The following CNTNAP2 variants were observed in gnomAD, a reference collection of about 807,000 sequenced individuals.
CNTNAP2 encodes contactin-associated protein-like 2.
CNTNAP2 carries 98 observed loss-of-function variants against 155.2 expected under a neutral mutation model. The ratio of observed to expected loss-of-function variants is 0.63; its 90% CI spans 0.54 to 0.75. The LOEUF (loss-of-function observed/expected upper bound fraction) is 0.75. CNTNAP2 is among the 30% of genes least tolerant of loss of function. The probability of loss-of-function intolerance (pLI) is 0.00; values close to 1 mark genes in which losing one functional copy is unlikely to be tolerated. For synonymous variants in CNTNAP2, 651 were observed against 631.2 expected, an observed-to-expected ratio of 1.03 and a Z score of -0.47; for missense variants, 1,727 against 1,688.1, an observed-to-expected ratio of 1.02 and a Z score of -0.40.
intron 9 of CNTNAP2, among the ~76,000 whole-genome samples, chr7:147,383,823 G>C (rs1237407480): frequency 5.3e-5 from 8 of 152,034 alleles, no homozygotes; most frequent in African/African-American, 1.9e-4. Flanking sequence ...TTCATAAAAT[G>C]AATATACTAG....
chr7:146,927,657 A>G (rs1217316299), intron 3 of CNTNAP2, among the ~76,000 whole-genome samples: 1 of 152,024 alleles, frequency 6.6e-6, no homozygotes, highest in Non-Finnish European at 1.5e-5. Flanking sequence ...TTTCTATGAC[A>G]TTTTTAAGAA....
intron 1 of CNTNAP2, among the ~76,000 whole-genome samples, chr7:146,680,983 G>A (rs781446125): frequency 6.6e-6 from 1 of 152,140 alleles, no homozygotes; most frequent in East Asian, 1.9e-4. Context: ...ACTAAAAAAA[G>A]GTTAATCAAA....
intron 4 of CNTNAP2, among the ~76,000 whole-genome samples, chr7:147,075,272 A>G (rs1220423373): frequency 6.6e-6 from 1 of 152,196 alleles, no homozygotes; most frequent in Non-Finnish European, 1.5e-5. Context: ...GATGAGAAGT[A>G]TTAGTATCCT....
intron 15 of CNTNAP2, among the ~76,000 whole-genome samples, chr7:148,010,844 C>T (rs1802068265): frequency 1.3e-5 from 2 of 151,940 alleles, no homozygotes; most frequent in African/African-American, 4.8e-5. Flanking sequence ...TATTTTTTTC[C>T]TTTGTTCACA....
chr7:148,364,435 G>A lies in CNTNAP2; in HGVS notation c.3476-19214G>A, dbSNP rs1451696205. On this transcript the variant is annotated intron_variant, in intron 21 of 23. Transcript: ENST00000361727. The stretch of plus-strand genomic sequence containing the variant: ...ACCAATCGACACTCTGTATCTAGCT[G>A]CTCTGGTGAGGACGTGGAGAACTTT... Among the ~76,000 whole-genome samples, 3 of 152,026 alleles carry A rather than the reference G, an allele frequency of 2.0e-5. No individual in the cohort carries two copies. The South Asian group carries it at 6.2e-4, about 32-fold the overall frequency.
At chr7:146,770,317 TACACACACACACACACACACAC>T (rs60507060) in intron 1 of CNTNAP2, among the ~76,000 whole-genome samples, 1 of 143,686 alleles carries the variant, frequency 7.0e-6, no homozygotes, top group African/African-American at 2.6e-5. Flanking sequence ...TGTGTGTGTA[TACACACACACACACACACACAC>T]ACACACACAC....
intron 1 of CNTNAP2, among the ~76,000 whole-genome samples, chr7:146,620,983 C>A (rs1799307125): frequency 6.6e-6 from 1 of 152,070 alleles, no homozygotes; most frequent in Non-Finnish European, 1.5e-5. Flanking sequence ...TTAATTATAT[C>A]ATCTTATGGT....
At chr7:147,163,425 ATATT>A (rs1371839842) in intron 8 of CNTNAP2, among the ~76,000 whole-genome samples, 1 of 152,190 alleles carries the variant, frequency 6.6e-6, no homozygotes, top group Non-Finnish European at 1.5e-5. Context: ...TGAATTTAAA[ATATT>A]TATAACTACT....
intron 10 of CNTNAP2, among the ~76,000 whole-genome samples, chr7:147,468,441 T>C (rs16884242): frequency 6.6e-6 from 1 of 152,212 alleles, no homozygotes; most frequent in Non-Finnish European, 1.5e-5. Flanking sequence ...GGTCTTGCTT[T>C]TCTAAGTGTT....
intron 1 of CNTNAP2, among the ~76,000 whole-genome samples, chr7:146,282,880 G>A (rs940851025): frequency 1.3e-5 from 2 of 152,162 alleles, no homozygotes; most frequent in Non-Finnish European, 2.9e-5. Context: ...TGTCTTCTAC[G>A]TGGCACAGCT....
chr7:147,330,121 T>A (rs1426777424), intron 9 of CNTNAP2, among the ~76,000 whole-genome samples: 2 of 152,012 alleles, frequency 1.3e-5, no homozygotes, highest in Non-Finnish European at 2.9e-5. Flanking sequence ...GACCAAATGA[T>A]GAGAGGGTTG....
At chr7:147,353,355 T>G (rs921480105) in intron 9 of CNTNAP2, among the ~76,000 whole-genome samples, 1 of 151,998 alleles carries the variant, frequency 6.6e-6, no homozygotes, top group Non-Finnish European at 1.5e-5. Context: ...TGTCCATGTG[T>G]TCTCATTGTT....
intron 1 of CNTNAP2, among the ~76,000 whole-genome samples, chr7:146,399,014 CTGAGT>C: frequency 6.9e-6 from 1 of 145,846 alleles, no homozygotes; most frequent in South Asian, 2.1e-4. Flanking sequence ...CATTTGTTTG[CTGAGT>C]TATTTTTTAT....
chr7:146,140,002 C>T (rs958410030), intron 1 of CNTNAP2, among the ~76,000 whole-genome samples: 1 of 152,092 alleles, frequency 6.6e-6, no homozygotes, highest in African/African-American at 2.4e-5. Context: ...CCAGTCAAAG[C>T]CCTCTGTTGG....
chr7:148,387,485 C>CTTGACTAGAGGACATTT (rs1298352958), intron 22 of CNTNAP2, among the ~76,000 whole-genome samples: 2 of 152,144 alleles, frequency 1.3e-5, no homozygotes, highest in African/African-American at 4.8e-5. Context: ...TGAGTCCTGG[C>CTTGACTAGAGGACATTT]TTGACTAGAG....
At chr7:147,820,364 G>A (rs183093574) in intron 13 of CNTNAP2, among the ~76,000 whole-genome samples, 40 of 151,978 alleles carry the variant, frequency 2.6e-4, no homozygotes, top group Admixed American at 2.4e-3. Flanking sequence ...TTTTTTCGTT[G>A]CTGCTTTATT....
chr7:146,787,781 G>C (rs1360595251), intron 2 of CNTNAP2, among the ~76,000 whole-genome samples: 1 of 152,186 alleles, frequency 6.6e-6, no homozygotes, highest in African/African-American at 2.4e-5. Context: ...TTTTGACAGA[G>C]TGCTGATTGG....
At chr7:146,145,388 T>G (rs892899780) in intron 1 of CNTNAP2, among the ~76,000 whole-genome samples, 1 of 152,176 alleles carries the variant, frequency 6.6e-6, no homozygotes, top group Non-Finnish European at 1.5e-5. Flanking sequence ...CTGGGCACAT[T>G]ACTATCCCAA....
intron 13 of CNTNAP2, among the ~76,000 whole-genome samples, chr7:147,772,276 C>T (rs138081065): frequency 0.013 from 1,999 of 150,882 alleles, 101 homozygotes; most frequent in Admixed American, 0.089. Flanking sequence ...ATACAAAAAC[C>T]AGCCTGGCAT....
Sources: allele counts gnomAD v4.1 joint callset (sites outside exome capture counted in the v4.1 genomes callset), GRCh38; gene constraint gnomAD v4.1.1; transcripts MANE v1.5; gene names NCBI Gene and HGNC (gene_info 2026-07-23, HGNC 2026-07-21).